NCKAP1L: variants seen among roughly 807,000 people sequenced by gnomAD.
NCKAP1L encodes the protein NCK associated protein 1 like.
NCKAP1L carries 53 observed loss-of-function variants against 139.2 expected under a neutral mutation model. The observed-to-expected ratio is 0.38, with a 90% CI of 0.31 to 0.48. The LOEUF (loss-of-function observed/expected upper bound fraction) is 0.48, where lower values mean the gene tolerates loss of function less well. NCKAP1L is among the 20% of genes least tolerant of loss of function. The pLI is 0.98. For missense variants in NCKAP1L, 1,151 were observed against 1,381.9 expected, an observed-to-expected ratio of 0.83 and a Z score of 2.65; for synonymous variants, 468 against 499.7, an observed-to-expected ratio of 0.94 and a Z score of 0.85.
chr12:54,511,946 C>T lies in NCKAP1L; in HGVS notation c.785-3C>T. The stretch of plus-strand genomic sequence containing the variant: ...TTCCTCTGCACTGTTTTCCCACCTA[C>T]AGTTGGGTTTCTTCTTTGTCATGGG... On this transcript the variant is annotated splice_polypyrimidine_tract_variant and splice_region_variant and intron_variant, in intron 8 of 30. Transcript: ENST00000293373. 2.5e-6 allele frequency: 4 copies of T among 1,614,204 alleles called. No individual in the cohort carries two copies. The highest frequency in any genetic ancestry group is 3.4e-6 in the Non-Finnish European group (4 of 1,180,014).
At chr12:54,518,038 G>A in intron 13 of NCKAP1L, 100 bp downstream of exon 13, 3 of 1,427,460 alleles carry the variant, frequency 2.1e-6, no homozygotes, top group South Asian at 1.2e-5. Flanking sequence ...CTGTAAGTTG[G>A]GTGTCAAAAG....
At position 54,518,631 on chromosome 12, in the gene NCKAP1L, A is replaced by C; in HGVS notation, c.1339-20A>C. On this transcript the variant is annotated intron_variant, in intron 13 of 30. Transcript: ENST00000293373. ...AGGGAACCTGTGCCCACTTGACAGT[A>C]ACTGCAGCTCCTTTTTTAGAACTTG... is the stretch of plus-strand genomic sequence containing the variant. The C allele has an allele frequency of 6.2e-7, 1 of 1,607,512 alleles. No individual in the cohort carries two copies. The highest frequency in any genetic ancestry group is 8.5e-7 in the Non-Finnish European group (1 of 1,173,950).
chr12:54,518,864 T>A (rs1443421386), intron 14 of NCKAP1L, 50 bp from the exon 15 acceptor site: 4 of 1,531,196 alleles, frequency 2.6e-6, no homozygotes, highest in Non-Finnish European at 3.6e-6. Flanking sequence ...TGTAGTTGGA[T>A]ATTGGTGTGC....
rs200976979 is a variant in NCKAP1L at position 54,531,591 on chromosome 12, A to G, written c.2698+7A>G. The G allele has an allele frequency of 1.4e-4, 231 of 1,613,936 alleles. No individual in the cohort carries two copies. The highest frequency in any genetic ancestry group is 9.7e-5 in the Non-Finnish European group (115 of 1,179,790). On this transcript the variant is annotated splice_region_variant and intron_variant, in intron 24 of 30. Coordinates refer to ENST00000293373, the MANE Select transcript of NCKAP1L (RefSeq NM_005337.5). The stretch of plus-strand genomic sequence containing the variant: ...CTGCTGCCCCAGCTGACAGGTAAGC[A>G]TCCTCTTCCCCTATAGTGAGAAGGA...
At position 54,545,661 on chromosome 12, in the gene NCKAP1L, A is replaced by C. The variant is rs1015297432; in HGVS notation, c.*2976A>C. The C allele has an allele frequency of 6.6e-6, 1 of 152,216 alleles. No individual in the cohort carries two copies. The highest frequency in any genetic ancestry group is 1.5e-5 in the Non-Finnish European group (1 of 68,030). The allele number at this position is 152,216 out of a possible 1,614,324, so 9.4% of individuals were successfully genotyped here. On this transcript the variant is annotated 3_prime_UTR_variant, in exon 31 of 31. Transcript: ENST00000293373. The stretch of plus-strand genomic sequence containing the variant: ...GTGTCCCAGGTTGTAAGTTTGCTTT[A>C]CTTAGGCCCAAAGGAACTAAAGAAT...
Position 54,542,641 on chromosome 12 carries a change from C to T in NCKAP1L, c.3340C>T (p.Arg1114Ter), listed in dbSNP as rs375216593. Residue 1114 changes from arginine to a stop codon, truncating the protein, a stop_gained, in exon 31 of 31, where the codon CGA (arginine) becomes TGA (stop). Coordinates refer to ENST00000293373, the MANE Select transcript of NCKAP1L (RefSeq NM_005337.5). LOFTEE classifies it high-confidence loss of function. ...LESCFPYVLLRNAYREVSRAF... is the reference protein window; with the variant it reads ...LESCFPYVLL ...GTCCTGTTTCCCTTATGTCCTGCTTCGAAATGCCTATCGGGAGGTGTCTCG... is the reference window on the plus strand; with the variant it reads ...GTCCTGTTTCCCTTATGTCCTGCTTTGAAATGCCTATCGGGAGGTGTCTCG... 85 of 1,614,048 alleles carry T rather than the reference C, an allele frequency of 5.3e-5. No homozygotes were observed. The highest frequency in any genetic ancestry group is 2.9e-5 in the Non-Finnish European group (34 of 1,180,030).
rs780910100 is a variant in NCKAP1L, at chr12:54,509,904, G to T, written c.654G>T (p.Gly218=). 1.2e-6 allele frequency: 2 copies of T among 1,614,200 alleles called. No homozygotes were observed. The highest frequency in any genetic ancestry group is 2.2e-5 in the South Asian group (2 of 91,078). The change falls in exon 7 of 31, where the codon GGG becomes GGT. Residue 218 remains glycine (G), a synonymous_variant. Coordinates refer to ENST00000293373, the MANE Select transcript of NCKAP1L (RefSeq NM_005337.5). The part of the protein sequence containing the change: ...LHFLFVRRNQ[G]AEQWRSAQLL... ...TCCTCTTTGTCCGAAGAAACCAGGGGGCTGAGCAGTGGCGCAGTGCCCAAC... is the reference window on the plus strand; with the variant it reads ...TCCTCTTTGTCCGAAGAAACCAGGGTGCTGAGCAGTGGCGCAGTGCCCAAC...
At position 54,519,062 on chromosome 12, in the gene NCKAP1L, G is replaced by A. The variant is rs940351809; in HGVS notation, c.1479+90G>A. On this transcript the variant is annotated intron_variant, in intron 15 of 30. Coordinates refer to ENST00000293373, the MANE Select transcript of NCKAP1L (RefSeq NM_005337.5). The stretch of plus-strand genomic sequence containing the variant: ...TTTTTATCTCCTAAATTTGCTTTAT[G>A]GAGTGAGTCAACTTTGAAAACTGCT... 5.8e-6 allele frequency: 9 copies of A among 1,552,334 alleles called. No homozygotes were observed. The East Asian group carries it at 2.0e-4, about 35-fold the overall frequency.
rs569946764 is a variant in NCKAP1L at position 54,519,306 on chromosome 12, G to A, written c.1599G>A (p.Val533=). 2.8e-5 allele frequency: 44 copies of A among 1,582,574 alleles called. No homozygotes were observed. The East Asian group carries it at 2.9e-4, about 10-fold the overall frequency. The stretch of plus-strand genomic sequence containing the variant: ...TGGACTCCGTAGAAAAATTGCTGGT[G>A]GAAACTTCTGATCTGTCTACTTTCT... ...RMLDSVEKLL[V]ETSDLSTFCF... is the part of the protein sequence containing the mutation. Residue 533 remains valine (V), a synonymous_variant, in exon 16 of 31, where the codon GTG becomes GTA. Coordinates refer to ENST00000293373, the MANE Select transcript of NCKAP1L (RefSeq NM_005337.5).
In NCKAP1L at chr12:54,518,816, G is replaced by A. The variant is rs150744200; in HGVS notation, c.1420+84G>A. On this transcript the variant is annotated intron_variant, in intron 14 of 30. Transcript: ENST00000293373. ...GAAATATTGATCTTTGAGCCAGGAA[G>A]TAGGACAAGATGTTTTTGAAGAGGA... is the stretch of plus-strand genomic sequence containing the variant. 2.0e-5 allele frequency: 30 copies of A among 1,515,646 alleles called. No homozygotes were observed. The East Asian group carries it at 6.1e-4, about 31-fold the overall frequency. The allele number at this position is 1,515,646 out of a possible 1,614,324, so 93.9% of individuals were successfully genotyped here.
At chr12:54,523,073 G>T (rs1190389501) in intron 18 of NCKAP1L, among the ~76,000 whole-genome samples, 1 of 152,190 alleles carries the variant, frequency 6.6e-6, no homozygotes, top group Non-Finnish European at 1.5e-5. Context: ...GGGACTTTTA[G>T]ATCTTGTTCT....
chr12:54,510,601 C>T (rs949561468), intron 7 of NCKAP1L: 4 of 155,002 alleles, frequency 2.6e-5, no homozygotes, highest in Admixed American at 2.0e-4. Context: ...ACCTCCCCAT[C>T]TTGGTTCAAG....
intron 18 of NCKAP1L, among the ~76,000 whole-genome samples, chr12:54,522,877 T>A (rs1956995668): frequency 6.6e-6 from 1 of 151,116 alleles, no homozygotes; most frequent in South Asian, 2.1e-4. Context: ...ATATGCTACT[T>A]AAAAAAAAAG....
At position 54,519,403 on chromosome 12, in the gene NCKAP1L, C is replaced by G. The variant is rs1407020895; in HGVS notation, c.1625+71C>G. Reference sequence around the variant, plus strand: ...TTTTTTCATTTTTTTCTCCATTATGCCACTTACTTCAAAGAATTTTGTTTA... The same window carrying G: ...TTTTTTCATTTTTTTCTCCATTATGGCACTTACTTCAAAGAATTTTGTTTA... On this transcript the variant is annotated intron_variant, in intron 16 of 30. Coordinates refer to ENST00000293373, the MANE Select transcript of NCKAP1L (RefSeq NM_005337.5). 6.1e-6 allele frequency: 7 copies of G among 1,154,540 alleles called. No individual in the cohort carries two copies. The East Asian group carries it at 1.1e-4, about 19-fold the overall frequency. The allele number at this position is 1,154,540 out of a possible 1,614,324, so 71.5% of individuals were successfully genotyped here. A position where few individuals can be genotyped will look rare whatever the true frequency, so the allele number is the denominator to read the frequency against.
intron 20 of NCKAP1L, among the ~76,000 whole-genome samples, chr12:54,524,706 A>G (rs867216682): frequency 1.3e-5 from 2 of 152,204 alleles, no homozygotes; most frequent in East Asian, 1.9e-4. Context: ...CTCTGCCTCC[A>G]TGCTTACTTC....
At chr12:54,529,227 G>A (rs1163972756) in intron 22 of NCKAP1L, among the ~76,000 whole-genome samples, 1 of 152,130 alleles carries the variant, frequency 6.6e-6, no homozygotes, top group Non-Finnish European at 1.5e-5. Context: ...CAAACTCCAG[G>A]AACTGGGGGC....
At chr12:54,516,764 C>T in intron 10 of NCKAP1L, 132 bp from the exon 11 acceptor site, 1 of 755,950 alleles carries the variant, frequency 1.3e-6, no homozygotes, top group South Asian at 1.8e-5. Context: ...TTTTTTAAAC[C>T]AAGTCTAACT....
chr12:54,520,680 C>T lies in NCKAP1L; in HGVS notation c.1626-14C>T, dbSNP rs778805978. On this transcript the variant is annotated splice_polypyrimidine_tract_variant and intron_variant, in intron 16 of 30. Coordinates refer to ENST00000293373, the MANE Select transcript of NCKAP1L (RefSeq NM_005337.5). ...GACTAAATCTTGATTTAAAGTCTTC[C>T]CGTTTCTCTGCAGCTTTCATCTTCG... The T allele has an allele frequency of 6.2e-7, 1 of 1,614,058 alleles. No homozygotes were observed. The highest frequency in any genetic ancestry group is 8.5e-7 in the Non-Finnish European group (1 of 1,179,964).
At position 54,538,980 on chromosome 12, in the gene NCKAP1L, AC is replaced by A; in HGVS notation, c.3273+9del. ...TTCTCTGCTCATGCGCTTGGTAAGTACCTTATTTAAATTGGTGTGAGAATAG... is the reference window on the plus strand; with the variant it reads ...TTCTCTGCTCATGCGCTTGGTAAGTACTTATTTAAATTGGTGTGAGAATAG... On this transcript the variant is annotated splice_region_variant and intron_variant, in intron 30 of 30. Coordinates refer to ENST00000293373, the MANE Select transcript of NCKAP1L (RefSeq NM_005337.5). The A allele has an allele frequency of 1.2e-6, 2 of 1,612,842 alleles. No individual in the cohort carries two copies. Among genetic ancestry groups the A allele is most frequent in the Non-Finnish European group, 1.7e-6 (2 of 1,178,990 alleles).
Sources: gnomAD v4.1 joint callset for allele counts (sites outside exome capture counted in the v4.1 genomes callset) on GRCh38, gnomAD v4.1.1 for gene constraint, MANE v1.5 for transcripts, NCBI Gene and HGNC (gene_info 2026-07-23, HGNC 2026-07-21) for gene names.